The following MYH15 variants were observed in gnomAD, a reference collection of about 807,000 sequenced individuals.
MYH15 encodes myosin heavy chain 15, also known as myosin-15.
A neutral mutation model predicts 240.5 loss-of-function variants in MYH15; 227 were observed. The observed-to-expected ratio is 0.94, with a 90% confidence interval of 0.85 to 1.05. The LOEUF (loss-of-function observed/expected upper bound fraction) is 1.05. Ranked by LOEUF, MYH15 falls within the 50% of genes least tolerant of loss-of-function variation. MYH15 has a pLI of 0.00. For missense variants in MYH15, 2,217 were observed against 2,247.5 expected (o/e 0.99, Z 0.27); for synonymous variants, 785 against 796.7 (o/e 0.99, Z 0.25).
rs147735111 is a variant in MYH15, at chr3:108,402,101, A to G, written c.4737-2834T>C. 8.7e-5 allele frequency among the ~76,000 whole-genome samples: 13 copies of G among 149,514 alleles called. No individual in the cohort carries two copies. In the East Asian group the frequency reaches 2.3e-3, roughly 27 times the overall value. Reference sequence around the variant, plus strand: ...ATTTCCCTTACGATATTGCTAATCTATGTATGAGAAATAAGAGATTTTTTT... The same window carrying G: ...ATTTCCCTTACGATATTGCTAATCTGTGTATGAGAAATAAGAGATTTTTTT... On this transcript the variant is annotated intron_variant, in intron 33 of 40. Transcript: ENST00000693548.
At chr3:108,507,252 T>C (rs1018405390) in intron 1 of MYH15, among the ~76,000 whole-genome samples, 2 of 50,210 alleles carry the variant, frequency 4.0e-5, no homozygotes, top group Admixed American at 1.9e-4. Context: ...TATATATATA[T>C]ATATATATAT....
chr3:108,384,903 A>T, intron 38 of MYH15, 121 bp from the exon 39 acceptor site: 1 of 812,044 alleles, frequency 1.2e-6, no homozygotes. Context: ...CAGAGTTGTG[A>T]TTTTAACAAT....
chr3:108,499,424 G>A (rs759524754), intron 5 of MYH15, 31 bp downstream of exon 5: 1 of 1,609,234 alleles, frequency 6.2e-7, no homozygotes, highest in East Asian at 2.2e-5. Flanking sequence ...CTTACTTCAG[G>A]CCAAAAAAGA....
chr3:108,389,023 C>G lies in MYH15; in HGVS notation c.5482G>C (p.Ala1828Pro). The part of the protein sequence containing the change: ...LEGEIRRSAE[A>P]QRGARRLERC... Reference sequence around the variant, plus strand: ...TCAAGTCTGCGGGCTCCCCTCTGGGCCTCTGCACTGCGACGGATTTCACCC... The same window carrying G: ...TCAAGTCTGCGGGCTCCCCTCTGGGGCTCTGCACTGCGACGGATTTCACCC... Residue 1828 changes from alanine (A) to proline (P), a missense_variant, in exon 38 of 41, where the codon GCC becomes CCC. Transcript: ENST00000693548. 2 of 1,613,842 alleles carry G rather than the reference C, an allele frequency of 1.2e-6. No individual in the cohort carries two copies. The highest frequency in any genetic ancestry group is 1.7e-6 in the Non-Finnish European group (2 of 1,179,838).
chr3:108,418,612 G>A (rs975766506), intron 28 of MYH15, among the ~76,000 whole-genome samples: 1 of 148,372 alleles, frequency 6.7e-6, no homozygotes, highest in Non-Finnish European at 1.5e-5. Context: ...AACTTTAAGG[G>A]TATTTGGATG....
At position 108,410,709 on chromosome 3, in the gene MYH15, C is replaced by T; in HGVS notation, c.4369G>A (p.Ala1457Thr). 3 of 1,614,186 alleles carry T rather than the reference C, an allele frequency of 1.9e-6. No individual in the cohort carries two copies. The highest frequency in any genetic ancestry group is 1.3e-5 in the African/African-American group (1 of 75,052). Reference sequence around the variant, plus strand: ...TCCTTCTGAGAGGCATCCAGCAACGCCTGGGACTCCTCGTGCTTCTGCTTC... The same window carrying T: ...TCCTTCTGAGAGGCATCCAGCAACGTCTGGGACTCCTCGTGCTTCTGCTTC... ...DWKQKHEESQALLDASQKEVQ... is the reference protein window; with the variant it reads ...DWKQKHEESQTLLDASQKEVQ... Residue 1457 changes from alanine (A) to threonine (T), a missense_variant, in exon 31 of 41, where the codon GCG becomes ACG. Coordinates refer to ENST00000693548, the MANE Select transcript of MYH15 (RefSeq NM_014981.3).
chr3:108,464,858 G>T (rs760717860), intron 14 of MYH15, 44 bp from the exon 15 acceptor site: 2 of 1,508,816 alleles, frequency 1.3e-6, no homozygotes. Flanking sequence ...TAAAAACACC[G>T]GCACTTTCAG....
intron 31 of MYH15, among the ~76,000 whole-genome samples, chr3:108,409,671 C>T (rs1439296583): frequency 6.6e-6 from 1 of 152,174 alleles, no homozygotes; most frequent in Admixed American, 6.5e-5. Flanking sequence ...ATGCACATTG[C>T]TGTTGGTGCT....
chr3:108,439,547 T>C (rs965016759), intron 24 of MYH15, among the ~76,000 whole-genome samples, 190 bp downstream of exon 24: 1 of 152,256 alleles, frequency 6.6e-6, no homozygotes, highest in Non-Finnish European at 1.5e-5. Flanking sequence ...ACAGATTATA[T>C]GCAGAGACCT....
chr3:108,549,045 T>C, the MYH15 span, among the ~76,000 whole-genome samples: 1 of 152,002 alleles, frequency 6.6e-6, no homozygotes. Flanking sequence ...AAGTGGCAAG[T>C]GTAAATAGTA....
In MYH15 at chr3:108,476,401, TCTATAGTTTGAC is replaced by T. The variant is rs2083220762; in HGVS notation, c.1217_1228del (p.Gly406_Ile409del). Reference sequence around the variant, plus strand: ...GCTCTTGAAATATCACCTTACCTGTTCTATAGTTTGACCTCTGGTAACATATTCGTTACCAAC... The same window carrying T: ...GCTCTTGAAATATCACCTTACCTGTTCTCTGGTAACATATTCGTTACCAAC... On this transcript the variant is annotated inframe_deletion, in exon 12 of 41. Coordinates refer to ENST00000693548, the MANE Select transcript of MYH15 (RefSeq NM_014981.3). The T allele has an allele frequency of 6.4e-7, 1 of 1,553,902 alleles. No individual in the cohort carries two copies. The highest frequency in any genetic ancestry group is 1.1e-5 in the South Asian group (1 of 89,760).
chr3:108,502,063 A>G (rs2107239378), intron 2 of MYH15, among the ~76,000 whole-genome samples: 1 of 152,282 alleles, frequency 6.6e-6, no homozygotes, highest in South Asian at 2.1e-4. Context: ...TGAAGTAAAC[A>G]TAGTATTTTT....
Position 108,384,663 on chromosome 3 carries a change from G to A in MYH15, c.5631+24C>T, listed in dbSNP as rs758253430. The A allele has an allele frequency of 1.4e-5, 22 of 1,597,396 alleles. No homozygotes were observed. The South Asian group carries it at 2.3e-4, about 17-fold the overall frequency. ...AAAACAACACTGGGAAATCCATGAG[G>A]CTGAAACTTCCCCAGGCACTCACCG... On this transcript the variant is annotated intron_variant, in intron 39 of 40. Transcript: ENST00000693548.
intron 7 of MYH15, among the ~76,000 whole-genome samples, chr3:108,493,992 C>T (rs2083373080): frequency 6.6e-6 from 1 of 152,142 alleles, no homozygotes; most frequent in African/African-American, 2.4e-5. Context: ...AAATGCTGTC[C>T]AGAGGTGCCA....
Position 108,510,520 on chromosome 3 carries a change from G to A in MYH15, c.11C>T (p.Ser4Leu), listed in dbSNP as rs375887587. Residue 4 changes from serine to leucine, a missense_variant, in exon 1 of 41, where the codon TCA becomes TTA. By Grantham distance (145) the Ser-to-Leu change is moderately radical. Transcript: ENST00000693548. MDLSDLGEAAAFLR... is the reference protein window; with the variant it reads MDLLDLGEAAAFLR... ...GAAGGCTGCGGCTTCTCCAAGGTCT[G>A]ACAGATCCATCTTTATTAAAGCAAT... 6.8e-6 allele frequency: 11 copies of A among 1,612,938 alleles called. No individual in the cohort carries two copies. The highest frequency in any genetic ancestry group is 4.0e-5 in the African/African-American group (3 of 74,670).
chr3:108,382,750 TGATGCACCACGTTTAAAAAAAAA>T (rs1249884073), intron 40 of MYH15, among the ~76,000 whole-genome samples: 3 of 152,038 alleles, frequency 2.0e-5, no homozygotes, highest in Non-Finnish European at 4.4e-5. Context: ...AGAGGGCTGG[TGATGCACCACGTTTAAAAAAAAA>T]ATAATAATAA....
chr3:108,388,397 C>T (rs2082399067), intron 38 of MYH15, among the ~76,000 whole-genome samples: 1 of 152,206 alleles, frequency 6.6e-6, no homozygotes, highest in Admixed American at 6.5e-5. Flanking sequence ...AGTCTGCCCA[C>T]CTCTTTTCAA....
At chr3:108,463,470 A>C (rs2083088548) in intron 15 of MYH15, among the ~76,000 whole-genome samples, 1 of 151,996 alleles carries the variant, frequency 6.6e-6, no homozygotes. Flanking sequence ...ACATGCCACC[A>C]TGCCTGGCTA....
chr3:108,522,532 T>C (rs778599711), intron 1 of MYH15, among the ~76,000 whole-genome samples: 1 of 152,076 alleles, frequency 6.6e-6, no homozygotes, highest in Non-Finnish European at 1.5e-5. Context: ...ATAGAATCTA[T>C]GGATAATTGA....
Sources: gnomAD v4.1 joint callset for allele counts (sites outside exome capture counted in the v4.1 genomes callset) on GRCh38, gnomAD v4.1.1 for gene constraint, MANE v1.5 for transcripts, NCBI Gene and HGNC (gene_info 2026-07-23, HGNC 2026-07-21) for gene names.